Variants in RIPOR3 observed in about 807,000 individuals in gnomAD.
The protein encoded by RIPOR3 is family with sequence similarity 65 member C.
Under a neutral mutation model 114.3 loss-of-function variants are expected in RIPOR3, and 95 were observed. The observed-to-expected ratio is 0.83, with a 90% CI of 0.70 to 0.99. The LOEUF (loss-of-function observed/expected upper bound fraction) is 0.99, where lower values mean the gene tolerates loss of function less well. Ranked by LOEUF, RIPOR3 falls within the 50% of genes least tolerant of loss-of-function variation. The pLI, the probability that RIPOR3 is intolerant of heterozygous loss-of-function variation, is 0.00. For missense variants in RIPOR3, 1,252 were observed against 1,266.9 expected (o/e 0.99, Z 0.18); for synonymous variants, 575 against 543.8 (o/e 1.06, Z -0.80).
chr20:50,664,358 C>G (rs1372006576), intron 1 of RIPOR3, among the ~76,000 whole-genome samples: 1 of 152,208 alleles, frequency 6.6e-6, no homozygotes, highest in Non-Finnish European at 1.5e-5. Context: ...TGTGAGCCCT[C>G]CCGCCTGTCT....
chr20:50,636,646 C>T, intron 1 of RIPOR3: 1 of 985,680 alleles, frequency 1.0e-6, no homozygotes, highest in Non-Finnish European at 1.2e-6. Flanking sequence ...TGGCCTGGCA[C>T]TTAGAACTGA....
chr20:50,684,739 G>C (rs1258892394), intron 1 of RIPOR3, among the ~76,000 whole-genome samples: 1 of 152,128 alleles, frequency 6.6e-6, no homozygotes, highest in Admixed American at 6.5e-5. Flanking sequence ...TCAGCTTCTG[G>C]GTGCAGGTTG....
chr20:50,680,882 A>T (rs2086835640), intron 1 of RIPOR3, among the ~76,000 whole-genome samples: 1 of 152,190 alleles, frequency 6.6e-6, no homozygotes, highest in African/African-American at 2.4e-5. Context: ...TGACAGGCGT[A>T]AGCCAAAGAA....
Position 50,610,916 on chromosome 20 carries a change from GA to G in RIPOR3, c.373-11del, listed in dbSNP as rs2083953357. The G allele has an allele frequency of 6.2e-7, 1 of 1,614,032 alleles. No homozygotes were observed. The highest frequency in any genetic ancestry group is 8.5e-7 in the Non-Finnish European group (1 of 1,180,022). ...CCACACAGCGCGTTTGCTTCTCCCG[GA>G]AAAAGGGAAGATGTTTGCAAAGTTG... On this transcript the variant is annotated splice_polypyrimidine_tract_variant and intron_variant, in intron 5 of 21. Coordinates refer to ENST00000327979, the MANE Select transcript of RIPOR3 (RefSeq NM_001290268.2).
intron 2 of RIPOR3, among the ~76,000 whole-genome samples, chr20:50,623,557 G>C (rs1271663243): frequency 2.0e-5 from 3 of 152,102 alleles, no homozygotes; most frequent in African/African-American, 7.2e-5. Context: ...TCTAGTTTTG[G>C]GGACCCAGGA....
chr20:50,624,680 C>A (rs528225746), intron 2 of RIPOR3, among the ~76,000 whole-genome samples: 1 of 152,224 alleles, frequency 6.6e-6, no homozygotes, highest in African/African-American at 2.4e-5. Flanking sequence ...GATGTTTCAC[C>A]AGGTCTGGGA....
At chr20:50,674,864 C>A (rs2086633136) in intron 1 of RIPOR3, among the ~76,000 whole-genome samples, 1 of 151,940 alleles carries the variant, frequency 6.6e-6, no homozygotes. Context: ...AGGAGGATCA[C>A]TTGAGGCCAG....
At chr20:50,658,346 C>T (rs774016355) in intron 1 of RIPOR3, among the ~76,000 whole-genome samples, 31 of 152,164 alleles carry the variant, frequency 2.0e-4, no homozygotes, top group Non-Finnish European at 3.4e-4. Flanking sequence ...ATGCCCATCA[C>T]ACAAGGACAA....
At chr20:50,632,437 GAGCCAGGTGACCCAGATA>G (rs1334727446) in intron 1 of RIPOR3, among the ~76,000 whole-genome samples, 1 of 152,202 alleles carries the variant, frequency 6.6e-6, no homozygotes, top group African/African-American at 2.4e-5. Context: ...CTCTGCAGGT[GAGCCAGGTGACCCAGATA>G]AGCCAGGTGA....
rs369227020 is a variant in RIPOR3, at chr20:50,685,280, G to A, written c.3+5846C>T. On this transcript the variant is annotated intron_variant, in intron 1 of 21. Transcript: ENST00000327979. ...GCTCTATCACCCAGTGCAGTGGCGCGATCTCGGCTCACTGCAACCTCCGCC... is the reference window on the plus strand; with the variant it reads ...GCTCTATCACCCAGTGCAGTGGCGCAATCTCGGCTCACTGCAACCTCCGCC... Among the ~76,000 whole-genome samples the A allele has an allele frequency of 1.2e-4, 18 of 146,354 alleles. No individual in the cohort carries two copies. The East Asian group carries it at 3.1e-3, about 25-fold the overall frequency.
chr20:50,620,062 G>A lies in RIPOR3; in HGVS notation c.193C>T (p.Arg65Trp), dbSNP rs148432777. 3.5e-5 allele frequency: 56 copies of A among 1,614,014 alleles called. No homozygotes were observed. Among genetic ancestry groups the A allele is most frequent in the Admixed American group, 1.2e-4 (7 of 59,990 alleles). ...AKSSKMYGTL[R>W]KGSVCADPKP... ...GGGTCTGCACAGACCGACCCCTTCC[G>A]CAGCGTGCCGTACATCTTGGAGGAT... The change falls in exon 3 of 22, where the codon CGG becomes TGG. Residue 65 changes from arginine (R) to tryptophan (W), a missense_variant. Arg to Trp is a moderately radical substitution (Grantham distance 101). Coordinates refer to ENST00000327979, the MANE Select transcript of RIPOR3 (RefSeq NM_001290268.2).
In RIPOR3 at chr20:50,629,536, G is replaced by A. The variant is rs2084744501; in HGVS notation, c.122+1202C>T. On this transcript the variant is annotated intron_variant, in intron 2 of 21. Coordinates refer to ENST00000327979, the MANE Select transcript of RIPOR3 (RefSeq NM_001290268.2). ...AGGGACTTAGTACCTAAAGCCGGAG[G>A]AGACACAGGACGGGGCAGCAGGCAG... is the stretch of plus-strand genomic sequence containing the variant. Among the ~76,000 whole-genome samples the A allele has an allele frequency of 2.0e-5, 3 of 152,160 alleles. No individual in the cohort carries two copies. In the South Asian group the frequency reaches 6.2e-4, roughly 32 times the overall value.
intron 1 of RIPOR3, among the ~76,000 whole-genome samples, chr20:50,651,659 G>A (rs569684799): frequency 1.6e-4 from 24 of 152,040 alleles, no homozygotes; most frequent in Admixed American, 3.9e-4. Flanking sequence ...TTATATCCTC[G>A]GTTTCCTCAT....
At chr20:50,633,980 CT>C (rs375758598) in intron 1 of RIPOR3, among the ~76,000 whole-genome samples, 2,278 of 130,882 alleles carry the variant, frequency 0.017, 50 homozygotes, top group East Asian at 0.1. Context: ...TCTTTCTTTT[CT>C]TTTTTTTTTT....
intron 1 of RIPOR3, among the ~76,000 whole-genome samples, chr20:50,673,033 A>G (rs1255935437): frequency 6.6e-6 from 1 of 152,186 alleles, no homozygotes; most frequent in Non-Finnish European, 1.5e-5. Flanking sequence ...ATGTGCTGAG[A>G]GCTGGACCGG....
chr20:50,624,774 C>T (rs149566157), intron 2 of RIPOR3, among the ~76,000 whole-genome samples: 237 of 152,326 alleles, frequency 1.6e-3, no homozygotes, highest in Middle Eastern at 6.8e-3. Flanking sequence ...CCAGCCCTCA[C>T]GTGAGGTTGC....
At chr20:50,654,329 A>G (rs996207536) in intron 1 of RIPOR3, among the ~76,000 whole-genome samples, 1 of 149,934 alleles carries the variant, frequency 6.7e-6, no homozygotes, top group Non-Finnish European at 1.5e-5. Context: ...ATCATGCCCA[A>G]CTAATTTTTG....
chr20:50,683,316 A>G (rs2869999), intron 1 of RIPOR3, among the ~76,000 whole-genome samples: 122,947 of 152,060 alleles, frequency 0.81, 50,718 homozygotes, highest in East Asian at 0.96. Flanking sequence ...CGCAGGTGGG[A>G]CCATGGGTTC....
chr20:50,655,672 T>C (rs1265708878), intron 1 of RIPOR3, among the ~76,000 whole-genome samples: 1 of 91,344 alleles, frequency 1.1e-5, no homozygotes, highest in Non-Finnish European at 2.3e-5. Context: ...GCGTGGGCTG[T>C]GTGTGTGTGT....
Sources: allele counts gnomAD v4.1 joint callset (sites outside exome capture counted in the v4.1 genomes callset), GRCh38; gene constraint gnomAD v4.1.1; transcripts MANE v1.5; gene names NCBI Gene and HGNC (gene_info 2026-07-23, HGNC 2026-07-21).